Variants in KATNA1 observed in about 807,000 individuals in gnomAD.
The protein encoded by KATNA1 is katanin catalytic subunit A1.
Under a neutral mutation model 62.6 loss-of-function variants are expected in KATNA1, and 42 were observed. That is an observed-to-expected ratio of 0.67 (90% CI 0.52 to 0.87). KATNA1 has a LOEUF of 0.87. KATNA1 is among the 40% of genes least tolerant of loss of function. The pLI, the probability that KATNA1 is intolerant of heterozygous loss-of-function variation, is 0.00. For missense variants in KATNA1, 498 were observed against 612.5 expected (o/e 0.81, Z 1.97); for synonymous variants, 186 against 201.9 (o/e 0.92, Z 0.67).
intron 9 of KATNA1, 103 bp downstream of exon 9, chr6:149,597,404 C>T (rs978643246): frequency 7.3e-7 from 1 of 1,370,964 alleles, no homozygotes; most frequent in African/African-American, 1.4e-5. Flanking sequence ...AGATACTCCT[C>T]ATGTATCTCT....
chr6:149,604,565 T>A, intron 5 of KATNA1, 96 bp downstream of exon 5: 1 of 1,327,044 alleles, frequency 7.5e-7, no homozygotes, highest in South Asian at 1.2e-5. Flanking sequence ...GGTTCTGTCC[T>A]CAAGCTCTGC....
chr6:149,630,019 T>C (rs961909463), intron 3 of KATNA1, among the ~76,000 whole-genome samples: 3 of 152,194 alleles, frequency 2.0e-5, no homozygotes, highest in Admixed American at 6.5e-5. Flanking sequence ...TTGTTGACTA[T>C]TATTAGGATT....
chr6:149,633,327 T>C (rs1396315540), intron 2 of KATNA1, among the ~76,000 whole-genome samples: 1 of 152,038 alleles, frequency 6.6e-6, no homozygotes, highest in Non-Finnish European at 1.5e-5. Context: ...CAGGATGGTC[T>C]TGATCTCCTG....
intron 2 of KATNA1, among the ~76,000 whole-genome samples, chr6:149,633,145 C>T (rs1205827056): frequency 6.8e-6 from 1 of 146,564 alleles, no homozygotes; most frequent in East Asian, 2.0e-4. Context: ...ACTCTGTCGC[C>T]CAGGCTGGAG....
intron 4 of KATNA1, among the ~76,000 whole-genome samples, chr6:149,618,081 G>A (rs1324641608): frequency 1.3e-5 from 2 of 148,862 alleles, no homozygotes; most frequent in South Asian, 2.1e-4. Flanking sequence ...CTTGAACCTG[G>A]GAGGCGGAGG....
chr6:149,630,577 G>A (rs1330625546), intron 3 of KATNA1, among the ~76,000 whole-genome samples: 3 of 152,150 alleles, frequency 2.0e-5, no homozygotes, highest in Admixed American at 1.3e-4. Flanking sequence ...GCAGTGAGCC[G>A]AGATAGCGCC....
chr6:149,638,391 G>A lies in KATNA1; in HGVS notation c.157C>T (p.Gln53Ter). The change falls in exon 2 of 11, where the codon CAA (glutamine) becomes TAA (stop). Residue 53 changes from glutamine to a stop codon, truncating the protein, a stop_gained. Transcript: ENST00000367411. LOFTEE classifies it high-confidence loss of function. ...VKDTYLQQKW[Q>*]QVWQEINVEA... ...ACAGCAGCCATTACTCTCACCTGTTGCCATTTCTGCTGGAGGTATGTATCT... is the reference window on the plus strand; with the variant it reads ...ACAGCAGCCATTACTCTCACCTGTTACCATTTCTGCTGGAGGTATGTATCT... 6.2e-7 allele frequency: 1 copy of A among 1,611,680 alleles called. No individual in the cohort carries two copies. The highest frequency in any genetic ancestry group is 8.5e-7 in the Non-Finnish European group (1 of 1,179,358).
intron 3 of KATNA1, 75 bp downstream of exon 3, chr6:149,632,684 C>G: frequency 3.2e-6 from 4 of 1,264,012 alleles, no homozygotes; most frequent in Non-Finnish European, 4.3e-6. Flanking sequence ...TCTCAGCCAC[C>G]CCATCCTCCT....
chr6:149,638,618 T>C lies in KATNA1; in HGVS notation c.-13-58A>G, dbSNP rs771221085. On this transcript the variant is annotated intron_variant, in intron 1 of 10. Transcript: ENST00000367411. ...GGTTTACATGTCTCTTAAAAATAAG[T>C]ATAGTTATTAAAAAATACTTTCCAG... is the stretch of plus-strand genomic sequence containing the variant. 4.6e-4 allele frequency: 569 copies of C among 1,234,608 alleles called. 1 individual carries two copies. Among genetic ancestry groups the C allele is most frequent in the Non-Finnish European group, 5.9e-4 (521 of 879,016 alleles). 76.5% of individuals were successfully genotyped at this position (1,234,608 alleles called of 1,614,324 possible).
At position 149,598,292 on chromosome 6, in the gene KATNA1, C is replaced by T. The variant is rs756980278; in HGVS notation, c.947G>A (p.Arg316His). 12 of 1,613,632 alleles carry T rather than the reference C, an allele frequency of 7.4e-6. No homozygotes were observed. The highest frequency in any genetic ancestry group is 2.7e-5 in the African/African-American group (2 of 74,932). ...TTCATGTTCTTCAGAAGTCCCTCGG[C>T]GACTACAGATGGAGTCTATCTCATC... ...FIDEIDSICS[R>H]RGTSEEHEAS... Residue 316 changes from arginine (R) to histidine (H), a missense_variant, in exon 8 of 11, where the codon CGC becomes CAC. Around this residue, in one of 3 missense-constraint regions of KATNA1, gnomAD observed 267 missense variants for 372.6 expected, o/e 0.72. Coordinates refer to ENST00000367411, the MANE Select transcript of KATNA1 (RefSeq NM_007044.4).
At chr6:149,610,930 CA>C in intron 4 of KATNA1, among the ~76,000 whole-genome samples, 1 of 152,122 alleles carries the variant, frequency 6.6e-6, no homozygotes, top group East Asian at 1.9e-4. Flanking sequence ...TCTAAAAATA[CA>C]AAAACTAGCC....
intron 1 of KATNA1, among the ~76,000 whole-genome samples, chr6:149,643,459 C>T (rs1384360854): frequency 6.6e-6 from 1 of 152,146 alleles, no homozygotes; most frequent in Non-Finnish European, 1.5e-5. Flanking sequence ...CTATGAGTAA[C>T]TCAAGACTGG....
At chr6:149,598,415 G>T in intron 7 of KATNA1, 65 bp from the exon 8 acceptor site, 1 of 1,531,712 alleles carries the variant, frequency 6.5e-7, no homozygotes, top group Non-Finnish European at 9.0e-7. Flanking sequence ...ATAATCTACA[G>T]ATTAGCAATC....
In KATNA1 at chr6:149,606,210, T is replaced by C. The variant is rs187213837; in HGVS notation, c.502-1428A>G. Among the ~76,000 whole-genome samples the C allele has an allele frequency of 3.3e-3, 505 of 152,282 alleles. 2 individuals carry two copies. Among genetic ancestry groups the C allele is most frequent in the Non-Finnish European group, 5.5e-3 (374 of 68,022 alleles). ...ACTGTGTAACAGGGCCCAATAGGTG[T>C]TAAACTGCTAGAACATAAACTGTTT... On this transcript the variant is annotated intron_variant, in intron 4 of 10. Coordinates refer to ENST00000367411, the MANE Select transcript of KATNA1 (RefSeq NM_007044.4).
chr6:149,607,410 G>A (rs879739702), intron 4 of KATNA1, among the ~76,000 whole-genome samples: 5 of 152,264 alleles, frequency 3.3e-5, no homozygotes, highest in African/African-American at 9.6e-5. Context: ...CCAGGAGTTC[G>A]AGATCAGGCT....
rs772348258 is a variant in KATNA1, at chr6:149,598,370, A to T, written c.889-20T>A. Reference sequence around the variant, plus strand: ...TCGAGCCTAAAGGAAGAAACCATGCAATATCAAGCTATTAAGCTATTATTT... The same window carrying T: ...TCGAGCCTAAAGGAAGAAACCATGCTATATCAAGCTATTAAGCTATTATTT... On this transcript the variant is annotated intron_variant, in intron 7 of 10. Transcript: ENST00000367411. 6 of 1,609,966 alleles carry T rather than the reference A, an allele frequency of 3.7e-6. No individual in the cohort carries two copies. In the African/African-American group the frequency reaches 6.7e-5, roughly 18 times the overall value.
In KATNA1 at chr6:149,628,056, C is replaced by T. The variant is rs186621520; in HGVS notation, c.320+4703G>A. 8.9e-4 allele frequency among the ~76,000 whole-genome samples: 135 copies of T among 151,922 alleles called. 2 individuals carry two copies. Among genetic ancestry groups the T allele is most frequent in the African/African-American group, 2.9e-3 (119 of 41,304 alleles). Reference sequence around the variant, plus strand: ...AATGTCACATCTAGTGGCATTTAAGCTATGTCTAACCTTTTCTATATAAGG... The same window carrying T: ...AATGTCACATCTAGTGGCATTTAAGTTATGTCTAACCTTTTCTATATAAGG... On this transcript the variant is annotated intron_variant, in intron 3 of 10. Transcript: ENST00000367411.
intron 2 of KATNA1, 101 bp from the exon 3 acceptor site, chr6:149,633,017 G>T: frequency 1.3e-6 from 1 of 740,802 alleles, no homozygotes; most frequent in Non-Finnish European, 2.1e-6. Context: ...ACTCCATTTT[G>T]ATATCAGATA....
chr6:149,629,197 TA>T (rs1779740617), intron 3 of KATNA1, among the ~76,000 whole-genome samples: 3 of 152,146 alleles, frequency 2.0e-5, no homozygotes, highest in Admixed American at 2.0e-4. Flanking sequence ...GGAAAGATCT[TA>T]CCAATAACTG....
Sources: allele counts gnomAD v4.1 joint callset (sites outside exome capture counted in the v4.1 genomes callset), GRCh38; gene constraint gnomAD v4.1.1; regional missense constraint gnomAD v4.1.1; transcripts MANE v1.5; gene names NCBI Gene and HGNC (gene_info 2026-07-23, HGNC 2026-07-21).